ATP2B2: variants seen among roughly 807,000 people sequenced by gnomAD.
The protein encoded by ATP2B2 is ATPase plasma membrane Ca2+ transporting 2.
Under a neutral mutation model 120.0 loss-of-function variants are expected in ATP2B2, and 15 were observed. That is an observed-to-expected ratio of 0.12 (90% CI 0.08 to 0.19). The LOEUF (loss-of-function observed/expected upper bound fraction) is 0.19, where lower values mean the gene tolerates loss of function less well. ATP2B2 is among the 10% of genes least tolerant of loss of function. ATP2B2 has a pLI of 1.00. For synonymous variants in ATP2B2, 694 were observed against 700.3 expected (o/e 0.99, Z 0.14); for missense variants, 1,045 against 1,719.8 (o/e 0.61, Z 6.94).
chr3:10,418,660 G>A (rs549724538), intron 2 of ATP2B2, among the ~76,000 whole-genome samples: 3 of 152,232 alleles, frequency 2.0e-5, no homozygotes, highest in Non-Finnish European at 4.4e-5. Context: ...CCTGGTGAGA[G>A]CAGGAATACA....
intron 3 of ATP2B2, among the ~76,000 whole-genome samples, chr3:10,518,814 C>T (rs972334876): frequency 1.3e-5 from 2 of 152,236 alleles, no homozygotes; most frequent in African/African-American, 2.4e-5. Context: ...GTCAGTCTCC[C>T]CTCTGTCGGG....
chr3:10,410,613 C>G lies in ATP2B2; in HGVS notation c.397+5G>C. On this transcript the variant is annotated splice_donor_5th_base_variant and intron_variant, in intron 3 of 22. Coordinates refer to ENST00000360273, the MANE Select transcript of ATP2B2 (RefSeq NM_001001331.4). The stretch of plus-strand genomic sequence containing the variant: ...GGCGGTTCGTGGGTCTGAGGCCCAT[C>G]TTACCTTCGTTGCCCTCGCCGGGCG... The G allele has an allele frequency of 6.2e-7, 1 of 1,601,556 alleles. No individual in the cohort carries two copies. Among genetic ancestry groups the G allele is most frequent in the African/African-American group, 1.3e-5 (1 of 74,766 alleles).
chr3:10,389,650 A>G (rs1334725438), intron 5 of ATP2B2, among the ~76,000 whole-genome samples: 1 of 152,178 alleles, frequency 6.6e-6, no homozygotes, highest in Non-Finnish European at 1.5e-5. Flanking sequence ...TCAGTTTGGG[A>G]ATATGAAAAG....
At chr3:10,706,890 G>A (rs1189396550) in intron 1 of ATP2B2, among the ~76,000 whole-genome samples, 1 of 152,072 alleles carries the variant, frequency 6.6e-6, no homozygotes, top group Non-Finnish European at 1.5e-5. Context: ...ACTCTAACCC[G>A]TTATAAGAAA....
chr3:10,577,428 T>C (rs1180870788), intron 2 of ATP2B2, among the ~76,000 whole-genome samples: 1 of 152,182 alleles, frequency 6.6e-6, no homozygotes, highest in African/African-American at 2.4e-5. Context: ...AGAGCTGGTA[T>C]AGGATCTCAG....
intron 2 of ATP2B2, among the ~76,000 whole-genome samples, chr3:10,551,600 G>T (rs1157808071): frequency 6.6e-6 from 1 of 152,236 alleles, no homozygotes; most frequent in East Asian, 1.9e-4. Flanking sequence ...CAGATTTAGA[G>T]ATAGATTTTT....
intron 22 of ATP2B2, chr3:10,336,162 A>T (rs1181669151): frequency 3.9e-6 from 6 of 1,550,620 alleles, no homozygotes; most frequent in Non-Finnish European, 1.7e-6. Flanking sequence ...CTGGTCGGAG[A>T]GGAAAGAGCA....
chr3:10,531,793 T>C (rs1462563252), intron 3 of ATP2B2, among the ~76,000 whole-genome samples: 1 of 152,118 alleles, frequency 6.6e-6, no homozygotes, highest in African/African-American at 2.4e-5. Context: ...ACGCAGTGGG[T>C]ACTTAGGGAC....
chr3:10,336,050 C>T, intron 22 of ATP2B2: 1 of 1,478,306 alleles, frequency 6.8e-7, no homozygotes, highest in Non-Finnish European at 9.1e-7. Flanking sequence ...CCCCCCATGT[C>T]CTCTGGTGCC....
At chr3:10,501,020 T>C (rs866468584) in intron 1 of ATP2B2, among the ~76,000 whole-genome samples, 23 of 152,312 alleles carry the variant, frequency 1.5e-4, no homozygotes, top group African/African-American at 5.1e-4. Flanking sequence ...TCGCCAGTGA[T>C]GAGCCGGCCT....
At chr3:10,598,055 G>C (rs2068814536) in intron 2 of ATP2B2, among the ~76,000 whole-genome samples, 1 of 152,198 alleles carries the variant, frequency 6.6e-6, no homozygotes, top group East Asian at 1.9e-4. Flanking sequence ...CAGATATCAG[G>C]GGAAGGTAAG....
At chr3:10,459,304 TAA>T (rs1247745883) in intron 1 of ATP2B2, among the ~76,000 whole-genome samples, 1 of 152,348 alleles carries the variant, frequency 6.6e-6, no homozygotes, top group East Asian at 1.9e-4. Context: ...GCTAAAACAG[TAA>T]AGTCACTAGC....
chr3:10,384,285 C>T (rs939884298), intron 8 of ATP2B2, among the ~76,000 whole-genome samples: 2 of 152,100 alleles, frequency 1.3e-5, no homozygotes, highest in African/African-American at 4.8e-5. Context: ...GGATGAGAAA[C>T]CCACAGCCCA....
At chr3:10,562,637 C>T (rs951375792) in intron 2 of ATP2B2, among the ~76,000 whole-genome samples, 2 of 152,148 alleles carry the variant, frequency 1.3e-5, no homozygotes, top group African/African-American at 4.8e-5. Flanking sequence ...CAGTCTTTTT[C>T]CTTCAGGAGG....
rs578040287 is a variant in ATP2B2, at chr3:10,624,076, C to T, written c.-459-4115G>A. 4.1e-4 allele frequency among the ~76,000 whole-genome samples: 63 copies of T among 152,302 alleles called. No individual in the cohort carries two copies. The South Asian group carries it at 7.7e-3, about 19-fold the overall frequency. The stretch of plus-strand genomic sequence containing the variant: ...TAGCTCCCATCCCCCTTGTAGATTT[C>T]ACAAGGCAATGACTAAGGCTCTGAT... On this transcript the variant is annotated intron_variant, in intron 1 of 21. Transcript: ENST00000646379.
At chr3:10,690,277 C>T (rs988872136) in intron 1 of ATP2B2, among the ~76,000 whole-genome samples, 16 of 152,300 alleles carry the variant, frequency 1.1e-4, no homozygotes, top group South Asian at 2.1e-4. Context: ...ATCCACTGCG[C>T]GGGCAGCCAT....
rs1306888027 is a variant in ATP2B2, at chr3:10,371,670, A to G, written c.1659+139T>C. 1.2e-5 allele frequency: 16 copies of G among 1,289,822 alleles called. No individual in the cohort carries two copies. In the African/African-American group the frequency reaches 1.5e-4, roughly 12 times the overall value. 79.9% of individuals were successfully genotyped at this position (1,289,822 alleles called of 1,614,324 possible). Reference sequence around the variant, plus strand: ...ATAGTATATTAACTCAAACAGAAACATGTTGCTTACTATCTGACCATACCA... The same window carrying G: ...ATAGTATATTAACTCAAACAGAAACGTGTTGCTTACTATCTGACCATACCA... On this transcript the variant is annotated intron_variant, in intron 12 of 22. Transcript: ENST00000360273.
chr3:10,365,775 GTGT>G, intron 12 of ATP2B2, among the ~76,000 whole-genome samples: 3 of 192 alleles, frequency 0.016, no homozygotes, highest in Non-Finnish European at 0.038. Context: ...TGCGCTGTAT[GTGT>G]ATGGTACGTA....
chr3:10,448,896 G>A (rs1438130085), intron 2 of ATP2B2, among the ~76,000 whole-genome samples: 1 of 152,202 alleles, frequency 6.6e-6, no homozygotes. Flanking sequence ...GGGCCTGCAT[G>A]GTTGGAACCC....
Sources: gnomAD v4.1 joint callset for allele counts (sites outside exome capture counted in the v4.1 genomes callset) on GRCh38, gnomAD v4.1.1 for gene constraint, MANE v1.5 for transcripts, NCBI Gene and HGNC (gene_info 2026-07-23, HGNC 2026-07-21) for gene names.